Variants in PTPRJ observed in about 807,000 individuals in gnomAD.
PTPRJ encodes the protein protein tyrosine phosphatase receptor type J.
Under a neutral mutation model 141.3 loss-of-function variants are expected in PTPRJ, and 129 were observed. The ratio of observed to expected loss-of-function variants is 0.91; its 90% confidence interval spans 0.79 to 1.06. PTPRJ has a LOEUF of 1.06. Ranked by LOEUF, PTPRJ falls within the 50% of genes least tolerant of loss-of-function variation. PTPRJ has a pLI of 0.00. For synonymous variants in PTPRJ, 610 were observed against 640.5 expected (o/e 0.95, Z 0.72); for missense variants, 1,601 against 1,679.7 (o/e 0.95, Z 0.82).
intron 3 of PTPRJ, among the ~76,000 whole-genome samples, chr11:48,115,280 A>G (rs552368263): frequency 2.0e-5 from 3 of 152,314 alleles, no homozygotes; most frequent in East Asian, 3.9e-4. Flanking sequence ...ATCACAGACA[A>G]TGGGGATTTG....
At chr11:48,155,723 ATTTT>A in intron 19 of PTPRJ, 74 bp from the exon 20 acceptor site, 1 of 1,262,060 alleles carries the variant, frequency 7.9e-7, no homozygotes. Context: ...TTTGAATTTC[ATTTT>A]TTTTTCTGTT....
At chr11:48,049,714 CAAAAAAAA>C (rs397713247) in intron 1 of PTPRJ, among the ~76,000 whole-genome samples, 1 of 50,616 alleles carries the variant, frequency 2.0e-5, no homozygotes, top group Non-Finnish European at 4.2e-5. Flanking sequence ...AACTCTGTCT[CAAAAAAAA>C]AAAAAAAAAA....
intron 1 of PTPRJ, among the ~76,000 whole-genome samples, chr11:48,092,256 C>G (rs1855883947): frequency 8.1e-6 from 1 of 123,510 alleles, no homozygotes; most frequent in Admixed American, 9.8e-5. Context: ...CATCGCGCCA[C>G]TGCACTCCAG....
intron 1 of PTPRJ, among the ~76,000 whole-genome samples, chr11:47,998,534 C>T (rs1854403971): frequency 6.6e-6 from 1 of 152,182 alleles, no homozygotes; most frequent in South Asian, 2.1e-4. Context: ...TGTAATCTCG[C>T]TTCTATTGCT....
intron 1 of PTPRJ, among the ~76,000 whole-genome samples, chr11:48,004,263 C>G (rs770294014): frequency 1.2e-4 from 19 of 152,184 alleles, no homozygotes; most frequent in Admixed American, 8.5e-4. Context: ...TAGTTTTGCC[C>G]CTTGCACCAA....
chr11:48,148,143 C>G (rs1857396297), intron 15 of PTPRJ, among the ~76,000 whole-genome samples: 2 of 152,098 alleles, frequency 1.3e-5, no homozygotes, highest in Admixed American at 6.5e-5. Flanking sequence ...CTGTGCCTGG[C>G]CAGATTAGGT....
intron 1 of PTPRJ, among the ~76,000 whole-genome samples, chr11:48,034,996 A>T (rs908980388): frequency 1.2e-4 from 19 of 152,218 alleles, no homozygotes; most frequent in African/African-American, 4.1e-4. Context: ...TCCAAAGCTG[A>T]GGAGTGGAGC....
chr11:47,987,392 G>A (rs1162925908), intron 1 of PTPRJ, among the ~76,000 whole-genome samples: 2 of 152,176 alleles, frequency 1.3e-5, no homozygotes, highest in South Asian at 2.1e-4. Flanking sequence ...TGAGTATGAT[G>A]TGGTTATGAC....
chr11:47,990,027 A>G (rs1352522581), intron 1 of PTPRJ, among the ~76,000 whole-genome samples: 3 of 152,216 alleles, frequency 2.0e-5, no homozygotes, highest in African/African-American at 4.8e-5. Context: ...ATGGAAACAT[A>G]AACACAGCAT....
At chr11:48,092,429 GTC>G (rs1279829929) in intron 1 of PTPRJ, among the ~76,000 whole-genome samples, 1 of 151,158 alleles carries the variant, frequency 6.6e-6, no homozygotes, top group Non-Finnish European at 1.5e-5. Context: ...AAAATTCAGT[GTC>G]TTTTTTCTTT....
chr11:48,040,882 G>A (rs374316225), intron 1 of PTPRJ, among the ~76,000 whole-genome samples: 5 of 152,210 alleles, frequency 3.3e-5, no homozygotes, highest in Middle Eastern at 3.4e-3. Context: ...GATTACAGGC[G>A]TGAGCCACCA....
At chr11:48,035,422 G>A (rs2134229583) in intron 1 of PTPRJ, among the ~76,000 whole-genome samples, 1 of 152,216 alleles carries the variant, frequency 6.6e-6, no homozygotes, top group African/African-American at 2.4e-5. Context: ...ATCGGGATGA[G>A]CTGTTTGTAG....
chr11:48,019,028 G>A (rs779594047), intron 1 of PTPRJ, among the ~76,000 whole-genome samples: 13 of 152,122 alleles, frequency 8.5e-5, no homozygotes, highest in Non-Finnish European at 1.5e-4. Context: ...TGTTGTGTGT[G>A]TGTGTCTTGG....
intron 18 of PTPRJ, among the ~76,000 whole-genome samples, chr11:48,150,715 G>T (rs1287024871): frequency 6.6e-6 from 1 of 152,160 alleles, no homozygotes; most frequent in Admixed American, 6.5e-5. Context: ...CCTGCACAAG[G>T]AATTTCTTGG....
At chr11:48,157,748 G>A (rs1011360444) in intron 21 of PTPRJ, among the ~76,000 whole-genome samples, 1 of 152,232 alleles carries the variant, frequency 6.6e-6, no homozygotes, top group East Asian at 1.9e-4. Context: ...AGATAACAGA[G>A]CAGTAAGAGA....
At chr11:48,103,863 C>CT (rs1175001796) in intron 1 of PTPRJ, among the ~76,000 whole-genome samples, 1 of 152,174 alleles carries the variant, frequency 6.6e-6, no homozygotes, top group Non-Finnish European at 1.5e-5. Context: ...CTTCTGGGTA[C>CT]TTTTTTCTGT....
At position 48,130,441 on chromosome 11, in the gene PTPRJ, T is replaced by C; in HGVS notation, c.1358-18T>C. ...GAGAAGTATATTTTTAATCTAGTTG[T>C]TTACTTTCTTTGCATAGCCCCTGTT... On this transcript the variant is annotated intron_variant, in intron 7 of 24. Transcript: ENST00000418331. The C allele has an allele frequency of 6.3e-7, 1 of 1,596,368 alleles. No homozygotes were observed.
chr11:48,120,717 G>C (rs1252337410), intron 3 of PTPRJ, among the ~76,000 whole-genome samples: 1 of 152,018 alleles, frequency 6.6e-6, no homozygotes, highest in Non-Finnish European at 1.5e-5. Flanking sequence ...GTCTCTTTTT[G>C]TATCAGCTTC....
chr11:48,146,704 A>G (rs1857357979), intron 14 of PTPRJ, among the ~76,000 whole-genome samples, 172 bp from the exon 15 acceptor site: 1 of 152,058 alleles, frequency 6.6e-6, no homozygotes, highest in African/African-American at 2.4e-5. Context: ...TTAGGTCCAA[A>G]GCTATTTAAC....
Sources: allele counts gnomAD v4.1 joint callset (sites outside exome capture counted in the v4.1 genomes callset), GRCh38; gene constraint gnomAD v4.1.1; transcripts MANE v1.5; gene names NCBI Gene and HGNC (gene_info 2026-07-23, HGNC 2026-07-21).